TXLNB: variants seen among roughly 807,000 people sequenced by gnomAD.
TXLNB encodes beta-taxilin.
In TXLNB, 37 loss-of-function variants were observed where a neutral mutation model predicts 57.4. The ratio of observed to expected loss-of-function variants is 0.64; its 90% CI spans 0.50 to 0.85. The LOEUF (loss-of-function observed/expected upper bound fraction) is 0.85, where lower values mean the gene tolerates loss of function less well. Among genes scored for constraint, TXLNB ranks in the 40% least tolerant of loss-of-function variants. The pLI, the probability that TXLNB is intolerant of heterozygous loss-of-function variation, is 0.00. For synonymous variants in TXLNB, 302 were observed against 309.6 expected, an observed-to-expected ratio of 0.98 and a Z score of 0.26; for missense variants, 848 against 825.6, an observed-to-expected ratio of 1.03 and a Z score of -0.33.
the TXLNB span, among the ~76,000 whole-genome samples, chr6:139,162,457 C>T: frequency 1.3e-5 from 2 of 152,170 alleles, no homozygotes; most frequent in Admixed American, 1.3e-4. Flanking sequence ...AGTAAGTTGT[C>T]CAAGAGCATG....
the TXLNB span, among the ~76,000 whole-genome samples, chr6:139,301,955 A>G: frequency 1.3e-4 from 20 of 152,316 alleles, no homozygotes; most frequent in Non-Finnish European, 2.4e-4. Context: ...TTAGAATTAA[A>G]AAATTTAAAT....
chr6:139,159,436 C>T, the TXLNB span, among the ~76,000 whole-genome samples: 1 of 152,124 alleles, frequency 6.6e-6, no homozygotes, highest in Admixed American at 6.5e-5. Flanking sequence ...CCGGGACTTA[C>T]ACATAAATGT....
chr6:139,216,255 A>G, the TXLNB span, among the ~76,000 whole-genome samples: 1 of 151,798 alleles, frequency 6.6e-6, no homozygotes, highest in African/African-American at 2.4e-5. Flanking sequence ...CTGGATTAAG[A>G]AAATGTGGCA....
chr6:139,238,580 G>T (rs1019090370), downstream of TXLNB, among the ~76,000 whole-genome samples: 7 of 152,172 alleles, frequency 4.6e-5, no homozygotes, highest in Middle Eastern at 3.2e-3. Flanking sequence ...CTTAACGTCA[G>T]TATTGAGGAT....
chr6:139,175,604 T>C, the TXLNB span, among the ~76,000 whole-genome samples: 2 of 152,294 alleles, frequency 1.3e-5, no homozygotes, highest in East Asian at 3.9e-4. Flanking sequence ...CTCAGAAGAT[T>C]AGCACTGGAA....
chr6:139,314,856 G>A, the TXLNB span, among the ~76,000 whole-genome samples: 4 of 152,172 alleles, frequency 2.6e-5, no homozygotes, highest in African/African-American at 7.2e-5. Context: ...CTTTGGGAAG[G>A]AATTCAGTTT....
chr6:139,236,458 T>C (rs141793641), downstream of TXLNB, among the ~76,000 whole-genome samples: 4 of 152,318 alleles, frequency 2.6e-5, no homozygotes, highest in East Asian at 7.7e-4. Context: ...CCCATTTCAA[T>C]AGTGAGTGAG....
At chr6:139,217,482 A>C in the TXLNB span, among the ~76,000 whole-genome samples, 2 of 152,200 alleles carry the variant, frequency 1.3e-5, no homozygotes. Context: ...CCCACTTCAA[A>C]ACTAAAATCA....
At chr6:139,204,074 G>T in the TXLNB span, among the ~76,000 whole-genome samples, 1 of 150,934 alleles carries the variant, frequency 6.6e-6, no homozygotes, top group African/African-American at 2.4e-5. Flanking sequence ...TTTTCGAGAA[G>T]GAGTCTTGCT....
rs542193368 is a variant in TXLNB, at chr6:139,241,599, G to T, written c.*927C>A. 23 of 152,366 alleles carry T rather than the reference G, an allele frequency of 1.5e-4. No individual in the cohort carries two copies. The highest frequency in any genetic ancestry group is 5.5e-4 in the African/African-American group (23 of 41,574). The allele number at this position is 152,366 out of a possible 1,614,324, so 9.4% of individuals were successfully genotyped here. ...TGGAATGGGATGCCCTGGCACATGAGGGGGTGGCAAAGCAATGGGCTGAGA... is the reference window on the plus strand; with the variant it reads ...TGGAATGGGATGCCCTGGCACATGATGGGGTGGCAAAGCAATGGGCTGAGA... On this transcript the variant is annotated 3_prime_UTR_variant, in exon 10 of 10. Transcript: ENST00000358430.
chr6:139,320,146 C>T, the TXLNB span, among the ~76,000 whole-genome samples: 6 of 152,066 alleles, frequency 3.9e-5, no homozygotes, highest in African/African-American at 1.4e-4. Context: ...TGCCTGGTTT[C>T]TAACTTCTCT....
At chr6:139,198,822 G>A in the TXLNB span, among the ~76,000 whole-genome samples, 1 of 152,140 alleles carries the variant, frequency 6.6e-6, no homozygotes, top group East Asian at 1.9e-4. Context: ...CAGCCTAGGG[G>A]TGGTAATGGC....
the TXLNB span, among the ~76,000 whole-genome samples, chr6:139,194,113 T>C: frequency 2.0e-5 from 3 of 152,288 alleles, no homozygotes; most frequent in South Asian, 6.2e-4. Flanking sequence ...AGTGTAATTT[T>C]TATATTTTTA....
chr6:139,265,484 G>A (rs962032395), intron 4 of TXLNB, among the ~76,000 whole-genome samples: 1 of 151,942 alleles, frequency 6.6e-6, no homozygotes, highest in Non-Finnish European at 1.5e-5. Flanking sequence ...TTAAAGAAGC[G>A]GTTTTAATAA....
At chr6:139,279,183 G>T (rs1412228775) in intron 2 of TXLNB, among the ~76,000 whole-genome samples, 1 of 152,126 alleles carries the variant, frequency 6.6e-6, no homozygotes, top group African/African-American at 2.4e-5. Flanking sequence ...GTCTTGTTTG[G>T]GAGAGATAGA....
the TXLNB span, among the ~76,000 whole-genome samples, chr6:139,191,388 C>T: frequency 6.6e-6 from 1 of 152,144 alleles, no homozygotes; most frequent in Admixed American, 6.5e-5. Context: ...CATTGCACTC[C>T]AGCCTGGGCA....
the TXLNB span, among the ~76,000 whole-genome samples, chr6:139,215,698 A>C: frequency 6.6e-6 from 1 of 152,208 alleles, no homozygotes; most frequent in African/African-American, 2.4e-5. Context: ...CAACCTACAG[A>C]ATGGGAGAAA....
the TXLNB span, among the ~76,000 whole-genome samples, chr6:139,211,282 C>T: frequency 6.6e-6 from 1 of 152,202 alleles, no homozygotes; most frequent in African/African-American, 2.4e-5. Flanking sequence ...TGAGACAAAA[C>T]TTCCAGAGGA....
rs1305077984 is a variant in TXLNB at position 139,242,041 on chromosome 6, AT to A, written c.*484del. The A allele has an allele frequency of 8.3e-6, 1 of 120,792 alleles. No individual in the cohort carries two copies. The highest frequency in any genetic ancestry group is 5.3e-5 in the African/African-American group (1 of 19,012). The allele number at this position is 120,792 out of a possible 1,614,324, so 7.5% of individuals were successfully genotyped here. Reference sequence around the variant, plus strand: ...TATTCACACATCTATACATACGTGTATATATACATATAATAAGTACACACGT... The same window carrying A: ...TATTCACACATCTATACATACGTGTAATATACATATAATAAGTACACACGT... On this transcript the variant is annotated 3_prime_UTR_variant, in exon 10 of 10. Coordinates refer to ENST00000358430, the MANE Select transcript of TXLNB (RefSeq NM_153235.4).
Sources: allele counts gnomAD v4.1 joint callset (sites outside exome capture counted in the v4.1 genomes callset), GRCh38; gene constraint gnomAD v4.1.1; transcripts MANE v1.5; gene names NCBI Gene and HGNC (gene_info 2026-07-23, HGNC 2026-07-21).